TULP4: variants seen among roughly 807,000 people sequenced by gnomAD.
TULP4 encodes the protein TUB like protein 4, also known as tubby-related protein 4.
TULP4 carries 16 observed loss-of-function variants against 129.0 expected under a neutral mutation model. The ratio of observed to expected loss-of-function variants is 0.12; its 90% CI spans 0.08 to 0.19. The LOEUF is 0.19. Among genes scored for constraint, TULP4 ranks in the 10% least tolerant of loss-of-function variants. The probability of loss-of-function intolerance (pLI) is 1.00; values close to 1 mark genes in which losing one functional copy is unlikely to be tolerated. For synonymous variants in TULP4, 998 were observed against 854.0 expected (o/e 1.17, Z -2.94); for missense variants, 1,842 against 2,059.1 (o/e 0.89, Z 2.04).
At chr6:158,316,039 G>C (rs1779483991) in intron 1 of TULP4, among the ~76,000 whole-genome samples, 1 of 152,174 alleles carries the variant, frequency 6.6e-6, no homozygotes. Context: ...AATGGAAATG[G>C]AATCCTTCAT....
intron 3 of TULP4, among the ~76,000 whole-genome samples, chr6:158,438,565 CAGTTTGTTTGTT>C (rs557288994): frequency 3.0e-4 from 37 of 122,642 alleles, no homozygotes; most frequent in African/African-American, 1.0e-3. Flanking sequence ...AAAAACACCA[CAGTTTGTTTGTT>C]TGTTTGTTTG....
intron 1 of TULP4, chr6:158,232,413 G>T (rs1489137729): frequency 6.0e-5 from 9 of 149,334 alleles, no homozygotes; most frequent in African/African-American, 1.7e-4. Flanking sequence ...GGTGGGCCCC[G>T]GGGTCTGCGC....
intron 1 of TULP4, among the ~76,000 whole-genome samples, chr6:158,287,049 C>T (rs980510053): frequency 6.6e-6 from 1 of 152,118 alleles, no homozygotes; most frequent in African/African-American, 2.4e-5. Flanking sequence ...GTGATGAAGG[C>T]ATTATTTCTT....
At chr6:158,359,478 C>T (rs926975208) in intron 1 of TULP4, among the ~76,000 whole-genome samples, 1 of 152,156 alleles carries the variant, frequency 6.6e-6, no homozygotes, top group Non-Finnish European at 1.5e-5. Flanking sequence ...AGTCCCAAAG[C>T]TGAAGAACTT....
At position 158,314,244 on chromosome 6, in the gene TULP4, C is replaced by T. The variant is rs1435328359; in HGVS notation, c.228C>T (p.Phe76=). ...GGAGTACTCCACAGAGGATAAATTT[C>T]AACCTCCGGGGCCACAATAGCGAGG... is the stretch of plus-strand genomic sequence containing the variant. ...RDRSTPQRIN[F]NLRGHNSEVV... is the part of the protein sequence containing the mutation. The change falls in exon 1 of 14, where the codon TTC becomes TTT. Residue 76 remains phenylalanine, a synonymous_variant. Transcript: ENST00000367097. The T allele has an allele frequency of 3.7e-6, 6 of 1,613,970 alleles. No individual in the cohort carries two copies. The highest frequency in any genetic ancestry group is 5.1e-6 in the Non-Finnish European group (6 of 1,179,920).
chr6:158,289,202 TA>T (rs1364330222), intron 1 of TULP4, among the ~76,000 whole-genome samples: 2 of 152,208 alleles, frequency 1.3e-5, no homozygotes, highest in African/African-American at 4.8e-5. Flanking sequence ...TTTATAACAT[TA>T]AGTTGTTCAT....
At chr6:158,273,638 C>A (rs777053343) in intron 1 of TULP4, among the ~76,000 whole-genome samples, 8 of 152,174 alleles carry the variant, frequency 5.3e-5, no homozygotes, top group Non-Finnish European at 1.0e-4. Flanking sequence ...TTACTGCCAC[C>A]ACCAATTGGG....
At chr6:158,464,454 T>G (rs1458421948) in intron 6 of TULP4, among the ~76,000 whole-genome samples, 1 of 152,152 alleles carries the variant, frequency 6.6e-6, no homozygotes, top group Non-Finnish European at 1.5e-5. Context: ...GTAAGGGGGT[T>G]GTGGAAGCCA....
chr6:158,358,235 G>A (rs1469637789), intron 1 of TULP4, among the ~76,000 whole-genome samples: 1 of 152,230 alleles, frequency 6.6e-6, no homozygotes, highest in East Asian at 1.9e-4. Flanking sequence ...GAGAACCTCT[G>A]AGATTTACAG....
chr6:158,246,750 A>G (rs977276849), intron 1 of TULP4, among the ~76,000 whole-genome samples: 7 of 152,216 alleles, frequency 4.6e-5, no homozygotes, highest in African/African-American at 7.2e-5. Context: ...ATTTAGAATC[A>G]GTTATTTTTT....
At chr6:158,301,004 T>G (rs1779121363) in intron 1 of TULP4, among the ~76,000 whole-genome samples, 1 of 152,156 alleles carries the variant, frequency 6.6e-6, no homozygotes, top group Non-Finnish European at 1.5e-5. Context: ...TGGGTCCCAG[T>G]AGAGTGGTAT....
intron 3 of TULP4, among the ~76,000 whole-genome samples, chr6:158,436,360 G>A (rs1778752578): frequency 6.6e-6 from 1 of 152,208 alleles, no homozygotes; most frequent in Admixed American, 6.5e-5. Context: ...AAGGTTTCAT[G>A]TAACTTGACC....
intron 1 of TULP4, among the ~76,000 whole-genome samples, chr6:158,390,966 G>C (rs1315417233): frequency 6.6e-6 from 1 of 152,104 alleles, no homozygotes; most frequent in Non-Finnish European, 1.5e-5. Flanking sequence ...TGAACCTGTA[G>C]TCTGGAAGGC....
intron 1 of TULP4, among the ~76,000 whole-genome samples, chr6:158,240,675 G>GTC (rs1777871305): frequency 8.7e-6 from 1 of 114,950 alleles, no homozygotes; most frequent in African/African-American, 2.8e-5. Flanking sequence ...CTCCCAGACG[G>GTC]GGCAGCTGGC....
At chr6:158,245,988 A>G (rs1398503276) in intron 1 of TULP4, among the ~76,000 whole-genome samples, 1 of 150,984 alleles carries the variant, frequency 6.6e-6, no homozygotes, top group Non-Finnish European at 1.5e-5. Context: ...GACTGAGCAT[A>G]TGATTGACCG....
In TULP4 at chr6:158,439,580, G is replaced by A. The variant is rs572398205; in HGVS notation, c.544-9416G>A. ...AATCCTGATGCACCTGGTCTTTTAA[G>A]ATTGTGATTATAGGCACTGCATAGA... On this transcript the variant is annotated intron_variant, in intron 3 of 13. Transcript: ENST00000367097. Among the ~76,000 whole-genome samples the A allele has an allele frequency of 4.6e-5, 7 of 151,624 alleles. No homozygotes were observed. The East Asian group carries it at 1.4e-3, about 30-fold the overall frequency.
intron 1 of TULP4, among the ~76,000 whole-genome samples, chr6:158,370,457 CAAAAAAAAAAA>C (rs533005080): frequency 8.7e-4 from 25 of 28,900 alleles, no homozygotes; most frequent in Admixed American, 4.7e-3. Flanking sequence ...AACTCCATCT[CAAAAAAAAAAA>C]AAAAAAAAAA....
intron 2 of TULP4, among the ~76,000 whole-genome samples, chr6:158,421,348 C>T (rs1381836854): frequency 7.0e-6 from 1 of 141,964 alleles, no homozygotes; most frequent in Non-Finnish European, 1.5e-5. Context: ...GGCCACAGAG[C>T]GGGGCTCCGT....
intron 1 of TULP4, among the ~76,000 whole-genome samples, chr6:158,385,797 A>C (rs1271665118): frequency 6.9e-6 from 1 of 144,090 alleles, no homozygotes; most frequent in Non-Finnish European, 1.5e-5. Context: ...ATATGATGAC[A>C]TGCAGCTCAG....
Sources: gnomAD v4.1 joint callset for allele counts (sites outside exome capture counted in the v4.1 genomes callset) on GRCh38, gnomAD v4.1.1 for gene constraint, MANE v1.5 for transcripts, NCBI Gene and HGNC (gene_info 2026-07-23, HGNC 2026-07-21) for gene names.